Variants in ATP8B3 observed in about 807,000 individuals in gnomAD.
ATP8B3 encodes the protein phospholipid-transporting ATPase IK.
In ATP8B3, 141 loss-of-function variants were observed where a neutral mutation model predicts 140.9. That is an observed-to-expected ratio of 1.00 (90% confidence interval 0.87 to 1.15). The LOEUF (loss-of-function observed/expected upper bound fraction) is 1.15. ATP8B3 is among the 50% of genes most tolerant of loss of function. The pLI, the probability that ATP8B3 is intolerant of heterozygous loss-of-function variation, is 0.00. For synonymous variants in ATP8B3, 765 were observed against 714.6 expected, an observed-to-expected ratio of 1.07 and a Z score of -1.13; for missense variants, 1,874 against 1,740.6, an observed-to-expected ratio of 1.08 and a Z score of -1.36.
At position 1,801,987 on chromosome 19, in the gene ATP8B3, A is replaced by G; in HGVS notation, c.1121T>C (p.Leu374Pro). Residue 374 changes from leucine to proline, a missense_variant, in exon 12 of 29, where the codon CTG becomes CCG. Leu to Pro is a moderately conservative substitution (Grantham distance 98). Coordinates refer to ENST00000310127, the MANE Select transcript of ATP8B3 (RefSeq NM_138813.4). Reference sequence around the variant, plus strand: ...CACCAGCTTGTTCATCAGGAGGTCCAGCTTGGTTCTCTTCAAATGGATCTT... The same window carrying G: ...CACCAGCTTGTTCATCAGGAGGTCCGGCTTGGTTCTCTTCAAATGGATCTT... The part of the protein sequence containing the change: ...CGKIHLKRTK[L>P]DLLMNKLVVV... The G allele has an allele frequency of 6.2e-7, 1 of 1,612,746 alleles. No homozygotes were observed.
intron 10 of ATP8B3, among the ~76,000 whole-genome samples, chr19:1,804,784 A>C (rs988353264): frequency 2.6e-5 from 4 of 151,876 alleles, no homozygotes; most frequent in African/African-American, 9.7e-5. Flanking sequence ...CCAGCCTGGG[A>C]GACAAGAGCG....
intron 18 of ATP8B3, among the ~76,000 whole-genome samples, chr19:1,793,251 C>T (rs537648536): frequency 4.3e-5 from 6 of 140,748 alleles, no homozygotes; most frequent in East Asian, 3.9e-4. Flanking sequence ...CCATCACACC[C>T]GGCTAATTTC....
rs996534234 is a variant in ATP8B3 at position 1,782,741 on chromosome 19, G to T, written c.*287C>A. ...CAGTGATTTCTCCTGAAAAGAATGT[G>T]ACCTCTCCTTGGTCAACAGCAACTT... On this transcript the variant is annotated 3_prime_UTR_variant, in exon 29 of 29. Transcript: ENST00000310127. 2.7e-5 allele frequency: 12 copies of T among 444,052 alleles called. No homozygotes were observed. The highest frequency in any genetic ancestry group is 7.8e-5 in the South Asian group (3 of 38,348). The allele number at this position is 444,052 out of a possible 1,614,324, so 27.5% of individuals were successfully genotyped here. A position where few individuals can be genotyped will look rare whatever the true frequency, so the allele number is the denominator to read the frequency against.
chr19:1,808,176 G>T (rs781618270), intron 5 of ATP8B3, 46 bp downstream of exon 5: 3 of 1,453,010 alleles, frequency 2.1e-6, no homozygotes, highest in Middle Eastern at 1.7e-4. Context: ...CATCGATGCT[G>T]CCAGGTGGCT....
rs577667107 is a variant in ATP8B3, at chr19:1,782,283, A to G, written c.*745T>C. 12 of 346,412 alleles carry G rather than the reference A, an allele frequency of 3.5e-5. No homozygotes were observed. The South Asian group carries it at 9.2e-4, about 26-fold the overall frequency. 21.5% of individuals were successfully genotyped at this position (346,412 alleles called of 1,614,324 possible). ...CTTCATCAGATGGGTCTAGGGATTC[A>G]GATGCTACGTCACTGCTGAACCCTG... is the stretch of plus-strand genomic sequence containing the variant. On this transcript the variant is annotated 3_prime_UTR_variant, in exon 29 of 29. Coordinates refer to ENST00000310127, the MANE Select transcript of ATP8B3 (RefSeq NM_138813.4).
chr19:1,801,979 G>A lies in ATP8B3; in HGVS notation c.1129C>T (p.Leu377=). Residue 377 remains leucine, a synonymous_variant, in exon 12 of 29, where the codon CTG becomes TTG. Transcript: ENST00000310127. ...ACCACAACCACCAGCTTGTTCATCA[G>A]GAGGTCCAGCTTGGTTCTCTTCAAA... ...IHLKRTKLDL[L]MNKLVVVIFI... is the part of the protein sequence containing the mutation. 4.3e-6 allele frequency: 7 copies of A among 1,612,608 alleles called. No individual in the cohort carries two copies. Among genetic ancestry groups the A allele is most frequent in the Non-Finnish European group, 5.9e-6 (7 of 1,179,642 alleles).
At chr19:1,790,706 G>A in intron 21 of ATP8B3, 51 bp downstream of exon 21, 2 of 1,433,374 alleles carry the variant, frequency 1.4e-6, no homozygotes. Context: ...GGTGCTCCTT[G>A]TCCTCACCTC....
Position 1,807,547 on chromosome 19 carries a change from C to T in ATP8B3, c.517-281G>A, listed in dbSNP as rs914580548. 5.9e-5 allele frequency among the ~76,000 whole-genome samples: 9 copies of T among 152,200 alleles called. No individual in the cohort carries two copies. Among genetic ancestry groups the T allele is most frequent in the African/African-American group, 1.9e-4 (8 of 41,456 alleles). ...GGTGCCTTCTCCAGGGAGCCTCCCC[C>T]AGCCCCAAGCTTGGCCGCCACTGCT... On this transcript the variant is annotated intron_variant, in intron 5 of 28. Transcript: ENST00000310127. The surrounding 1 kb of genome is among the most constrained non-coding windows in gnomAD (Gnocchi z 5.9).
At chr19:1,808,671 G>C (rs2069100772) in intron 4 of ATP8B3, among the ~76,000 whole-genome samples, 2 of 152,230 alleles carry the variant, frequency 1.3e-5, no homozygotes, top group Admixed American at 6.5e-5. Context: ...CTTCTACTGA[G>C]TGCAAAGACT....
chr19:1,793,093 T>TG (rs1216038017), intron 18 of ATP8B3, among the ~76,000 whole-genome samples: 7 of 150,590 alleles, frequency 4.6e-5, no homozygotes, highest in Non-Finnish European at 1.0e-4. Context: ...TTTTTTTTTT[T>TG]TTTTCTCGGG....
intron 10 of ATP8B3, among the ~76,000 whole-genome samples, chr19:1,804,533 A>C (rs530168596): frequency 6.6e-6 from 1 of 151,860 alleles, no homozygotes; most frequent in Non-Finnish European, 1.5e-5. Context: ...GCGTGAACCC[A>C]GGAGGCGGAG....
chr19:1,802,410 C>CA, intron 11 of ATP8B3, 77 bp downstream of exon 11: 1 of 329,050 alleles, frequency 3.0e-6, no homozygotes. Flanking sequence ...CCCACCTACC[C>CA]ACCCACCCAT....
intron 24 of ATP8B3, 104 bp from the exon 25 acceptor site, chr19:1,787,290 C>T (rs1277297772): frequency 1.7e-5 from 15 of 884,330 alleles, no homozygotes; most frequent in Admixed American, 1.4e-4. Flanking sequence ...TAACTCTGGT[C>T]GAGTTACACT....
At position 1,799,978 on chromosome 19, in the gene ATP8B3, G is replaced by A. The variant is rs1162071105; in HGVS notation, c.1521C>T (p.Phe507=). ...TGTLTQNILT[F]NKCCISGRVY... ...CGCGGCCGCTGATGCAGCACTTGTT[G>A]AAGGTCAAGATGTTCTGCGTGAGCG... The change falls in exon 14 of 29, where the codon TTC becomes TTT. Residue 507 remains phenylalanine, a synonymous_variant. Transcript: ENST00000310127. The A allele has an allele frequency of 2.5e-6, 4 of 1,605,350 alleles. No homozygotes were observed. Among genetic ancestry groups the A allele is most frequent in the Non-Finnish European group, 3.4e-6 (4 of 1,176,300 alleles).
In ATP8B3 at chr19:1,792,106, C is replaced by T. The variant is rs867494031; in HGVS notation, c.2085G>A (p.Leu695=). 7.6e-6 allele frequency: 12 copies of T among 1,576,556 alleles called. No homozygotes were observed. The highest frequency in any genetic ancestry group is 9.4e-6 in the Non-Finnish European group (11 of 1,166,694). Residue 695 remains leucine (L), a synonymous_variant, in exon 19 of 29, where the codon CTG becomes CTA. Transcript: ENST00000310127. Reference sequence around the variant, plus strand: ...CAGCCACCTCCCTGTAGGCCAGGCACAGTGTCCGCAGGGTCTCCTGGGCAA... The same window carrying T: ...CAGCCACCTCCCTGTAGGCCAGGCATAGTGTCCGCAGGGTCTCCTGGGCAA... ...AAFAQETLRT[L]CLAYREVAED...
chr19:1,790,893 A>T (rs1443131307), intron 20 of ATP8B3, 61 bp from the exon 21 acceptor site: 16 of 1,238,348 alleles, frequency 1.3e-5, no homozygotes, highest in Admixed American at 4.7e-5. Flanking sequence ...CCTGGGGGCC[A>T]CGCCCACTCT....
intron 10 of ATP8B3, among the ~76,000 whole-genome samples, chr19:1,804,761 G>A (rs966130474): frequency 2.6e-5 from 4 of 152,054 alleles, no homozygotes; most frequent in Admixed American, 1.3e-4. Flanking sequence ...AGCCAAGATC[G>A]CACCACTGCA....
rs369820726 is a variant in ATP8B3, at chr19:1,805,856, C to T, written c.821+32G>A. On this transcript the variant is annotated intron_variant, in intron 9 of 28. Transcript: ENST00000310127. The surrounding 1 kb of genome is among the most constrained non-coding windows in gnomAD (Gnocchi z 5.2). ...TCCTCCGGGCCATGCTCCCCACCCCCCAGGGTCCCCAGCGATGCCACAGCT... is the reference window on the plus strand; with the variant it reads ...TCCTCCGGGCCATGCTCCCCACCCCTCAGGGTCCCCAGCGATGCCACAGCT... 4.1e-4 allele frequency: 654 copies of T among 1,611,842 alleles called. No homozygotes were observed. Among genetic ancestry groups the T allele is most frequent in the Middle Eastern group, 5.0e-4 (3 of 6,044 alleles).
chr19:1,806,053 A>G lies in ATP8B3; in HGVS notation c.750+44T>C, dbSNP rs1288174084. 1.9e-6 allele frequency: 3 copies of G among 1,602,938 alleles called. No homozygotes were observed. Among genetic ancestry groups the G allele is most frequent in the Non-Finnish European group, 2.6e-6 (3 of 1,175,698 alleles). On this transcript the variant is annotated intron_variant, in intron 8 of 28. Coordinates refer to ENST00000310127, the MANE Select transcript of ATP8B3 (RefSeq NM_138813.4). This position sits in a 1 kb window ranked among gnomAD's most constrained non-coding sequence, Gnocchi z 5.6. Reference sequence around the variant, plus strand: ...CACCCTGGGAGGGGTGCTCTCGGTGAGGGGGCGCGTGGTTCTGGGACCTCG... The same window carrying G: ...CACCCTGGGAGGGGTGCTCTCGGTGGGGGGGCGCGTGGTTCTGGGACCTCG...
Sources: allele counts gnomAD v4.1 joint callset (sites outside exome capture counted in the v4.1 genomes callset), GRCh38; gene constraint gnomAD v4.1.1; non-coding constraint Gnocchi (gnomAD v3.1); transcripts MANE v1.5; gene names NCBI Gene and HGNC (gene_info 2026-07-23, HGNC 2026-07-21).